Variants in GRK4 observed in about 807,000 individuals in gnomAD.
The protein encoded by GRK4 is G protein-coupled receptor kinase 2-like.
A neutral mutation model predicts 77.9 loss-of-function variants in GRK4; 73 were observed. The observed-to-expected ratio is 0.94, with a 90% CI of 0.78 to 1.14. The LOEUF (loss-of-function observed/expected upper bound fraction) is 1.14, where lower values mean the gene tolerates loss of function less well. Ranked by LOEUF, GRK4 falls within the 50% of genes most tolerant of loss-of-function variation. The pLI, the probability that GRK4 is intolerant of heterozygous loss-of-function variation, is 0.00. For missense variants in GRK4, 729 were observed against 700.2 expected, an observed-to-expected ratio of 1.04 and a Z score of -0.46; for synonymous variants, 257 against 254.4, an observed-to-expected ratio of 1.01 and a Z score of -0.10.
At chr4:2,970,431 G>A (rs1232616340) in intron 1 of GRK4, among the ~76,000 whole-genome samples, 2 of 152,024 alleles carry the variant, frequency 1.3e-5, no homozygotes, top group East Asian at 2.0e-4. Flanking sequence ...AGGCCAAGGC[G>A]GGCGGATCAC....
intron 15 of GRK4, among the ~76,000 whole-genome samples, chr4:3,039,436 G>A (rs935547632): frequency 2.0e-5 from 3 of 151,984 alleles, no homozygotes; most frequent in Non-Finnish European, 2.9e-5. Context: ...GGTGGCTCAC[G>A]CCTGTAATCC....
At chr4:2,968,087 G>A (rs1718333354) in intron 1 of GRK4, among the ~76,000 whole-genome samples, 2 of 150,956 alleles carry the variant, frequency 1.3e-5, no homozygotes, top group Non-Finnish European at 3.0e-5. Flanking sequence ...CACTGTGCCC[G>A]GCCTGTTTTG....
rs750913295 is a variant in GRK4 at position 3,004,231 on chromosome 4, T to A, written c.340T>A (p.Leu114Met). 4 of 1,608,188 alleles carry A rather than the reference T, an allele frequency of 2.5e-6. No homozygotes were observed. The East Asian group carries it at 8.9e-5, about 36-fold the overall frequency. Reference protein sequence around the residue: ...SILDRFFNDKLAAPLPEIPPD... With the variant: ...SILDRFFNDKMAAPLPEIPPD... ...TGTATTTGGTTTGTACTGTATTAAG[T>A]TGGCAGCCCCTTTACCAGAAATACC... is the stretch of plus-strand genomic sequence containing the variant. Residue 114 changes from leucine to methionine, a missense_variant and splice_region_variant, in exon 5 of 16, where the codon TTG becomes ATG. Leu to Met is a conservative substitution (Grantham distance 15). Transcript: ENST00000398052.
chr4:2,970,080 G>A (rs1279235575), intron 1 of GRK4, among the ~76,000 whole-genome samples: 1 of 152,146 alleles, frequency 6.6e-6, no homozygotes, highest in Non-Finnish European at 1.5e-5. Context: ...CTATGTAGTA[G>A]TCAGCCAAAT....
intron 1 of GRK4, among the ~76,000 whole-genome samples, chr4:2,971,813 C>T (rs1429591638): frequency 6.6e-6 from 1 of 152,186 alleles, no homozygotes; most frequent in African/African-American, 2.4e-5. Flanking sequence ...TCTGGTGTCC[C>T]CTGGCTTGGA....
At chr4:3,004,376 TAACCCCAA>T in intron 5 of GRK4, 42 bp downstream of exon 5, 1 of 1,263,834 alleles carries the variant, frequency 7.9e-7, no homozygotes, top group South Asian at 1.2e-5. Flanking sequence ...TATCTATGAC[TAACCCCAA>T]AACAGACAGC....
In GRK4 at chr4:2,963,989, G is replaced by T; in HGVS notation, c.-82G>T. 4 of 1,274,806 alleles carry T rather than the reference G, an allele frequency of 3.1e-6. No homozygotes were observed. The highest frequency in any genetic ancestry group is 4.5e-6 in the Non-Finnish European group (4 of 890,770). The allele number at this position is 1,274,806 out of a possible 1,614,324, so 79.0% of individuals were successfully genotyped here. A position where few individuals can be genotyped will look rare whatever the true frequency, so the allele number is the denominator to read the frequency against. ...GGGTGGTGCCCGGCGAGCTATGCAC[G>T]GGGGCGGCGGCGTCTCCTCCTGTTC... On this transcript the variant is annotated 5_prime_UTR_variant, in exon 1 of 16. Coordinates refer to ENST00000398052, the MANE Select transcript of GRK4 (RefSeq NM_182982.3).
At chr4:3,015,696 A>G (rs573629422) in intron 8 of GRK4, among the ~76,000 whole-genome samples, 1 of 151,218 alleles carries the variant, frequency 6.6e-6, no homozygotes, top group East Asian at 2.0e-4. Flanking sequence ...AAAAAATAGC[A>G]CAGTGTGTGT....
At chr4:3,002,244 C>T (rs1374656418) in intron 4 of GRK4, among the ~76,000 whole-genome samples, 4 of 152,080 alleles carry the variant, frequency 2.6e-5, no homozygotes, top group Non-Finnish European at 4.4e-5. Flanking sequence ...TAAACTCATA[C>T]ACCGGGAGAC....
At chr4:2,985,984 C>CAA (rs1181104072) in intron 2 of GRK4, among the ~76,000 whole-genome samples, 3,921 of 91,346 alleles carry the variant, frequency 0.043, 180 homozygotes, top group Admixed American at 0.071. Flanking sequence ...GACTCCGTCT[C>CAA]AAAAAAAAAA....
At chr4:2,989,832 G>A (rs902933815) in intron 3 of GRK4, among the ~76,000 whole-genome samples, 3 of 152,118 alleles carry the variant, frequency 2.0e-5, no homozygotes, top group Admixed American at 6.5e-5. Flanking sequence ...GAAACTTTAT[G>A]TTTCTCAGTC....
intron 6 of GRK4, among the ~76,000 whole-genome samples, chr4:3,008,956 G>A (rs1732093563): frequency 1.3e-5 from 2 of 152,094 alleles, no homozygotes; most frequent in African/African-American, 2.4e-5. Flanking sequence ...ATGGCACAAC[G>A]TATATACGTC....
At position 2,984,517 on chromosome 4, in the gene GRK4, A is replaced by C. The variant is rs372780383; in HGVS notation, c.57A>C (p.Gly19=). The change falls in exon 2 of 16, where the codon GGA becomes GGC. Residue 19 remains glycine, a synonymous_variant. Transcript: ENST00000398052. ...CCTTTTTTCTCCCAAATTCAGGAGG[A>C]TATGGCAAAAAAAGTGGTCGTAGTA... is the stretch of plus-strand genomic sequence containing the variant. ...NSLLLKARQG[G]YGKKSGRSKK... 1.2e-6 allele frequency: 2 copies of C among 1,607,114 alleles called. No homozygotes were observed. The highest frequency in any genetic ancestry group is 2.7e-5 in the African/African-American group (2 of 74,780).
chr4:3,016,002 G>A (rs991709203), intron 8 of GRK4, among the ~76,000 whole-genome samples: 6 of 150,980 alleles, frequency 4.0e-5, no homozygotes, highest in Admixed American at 2.0e-4. Flanking sequence ...TCCGGCTCCC[G>A]GGCTCAAGTG....
chr4:3,012,458 T>C (rs1733179910), intron 7 of GRK4, among the ~76,000 whole-genome samples: 1 of 152,228 alleles, frequency 6.6e-6, no homozygotes, highest in Non-Finnish European at 1.5e-5. Flanking sequence ...TATCTTGGAA[T>C]TACGGGTGAG....
At chr4:3,004,909 T>C (rs6852880) in intron 5 of GRK4, among the ~76,000 whole-genome samples, 1,593 of 151,944 alleles carry the variant, frequency 0.01, 29 homozygotes, top group African/African-American at 0.037. Flanking sequence ...AATGATTACT[T>C]CCTCTAGAAA....
intron 3 of GRK4, 117 bp downstream of exon 3, chr4:2,988,956 G>A (rs764786298): frequency 2.9e-5 from 19 of 653,892 alleles, no homozygotes; most frequent in Admixed American, 8.7e-5. Flanking sequence ...AGGCTGAGGC[G>A]GGCGGATCAT....
chr4:3,037,571 G>C, intron 14 of GRK4, 60 bp downstream of exon 14: 1 of 1,479,016 alleles, frequency 6.8e-7, no homozygotes, highest in South Asian at 1.2e-5. Flanking sequence ...AGGGAAAAGG[G>C]TGTGTGTGTG....
At chr4:3,011,555 A>G (rs1732925626) in intron 7 of GRK4, among the ~76,000 whole-genome samples, 1 of 152,252 alleles carries the variant, frequency 6.6e-6, no homozygotes, top group African/African-American at 2.4e-5. Context: ...AAAGCATGGC[A>G]GTTTCCCACA....
Sources: gnomAD v4.1 joint callset for allele counts (sites outside exome capture counted in the v4.1 genomes callset) on GRCh38, gnomAD v4.1.1 for gene constraint, MANE v1.5 for transcripts, NCBI Gene and HGNC (gene_info 2026-07-23, HGNC 2026-07-21) for gene names.